Variants in CNTN4 observed in about 807,000 individuals in gnomAD.
The protein encoded by CNTN4 is contactin 4, also known as contactin-4.
CNTN4 carries 77 observed loss-of-function variants against 122.5 expected under a neutral mutation model. That is an observed-to-expected ratio of 0.63 (90% CI 0.52 to 0.76). CNTN4 has a LOEUF of 0.76. Among genes scored for constraint, CNTN4 ranks in the 30% least tolerant of loss-of-function variants. CNTN4 has a pLI of 0.00. For missense variants in CNTN4, 1,256 were observed against 1,259.1 expected (o/e 1.00, Z 0.04); for synonymous variants, 512 against 447.0 (o/e 1.15, Z -1.83).
At chr3:2,929,021 T>C (rs2094497031) in intron 13 of CNTN4, among the ~76,000 whole-genome samples, 1 of 152,230 alleles carries the variant, frequency 6.6e-6, no homozygotes, top group Non-Finnish European at 1.5e-5. Context: ...ACTAGCCTTA[T>C]CTATGTTAAT....
rs575192976 is a variant in CNTN4 at position 2,300,560 on chromosome 3, C to CTTT, written c.-144-38590_-144-38588dup. ...ATGAGTTTATTTACACAGTGACCGT[C>CTTT]TTTTTTTTTTTTTTTTTTTTTTTTT... On this transcript the variant is annotated intron_variant, in intron 2 of 24. Transcript: ENST00000418658. 2.0e-3 allele frequency among the ~76,000 whole-genome samples: 126 copies of CTTT among 62,020 alleles called. 14 individuals are homozygous for CTTT. Among genetic ancestry groups the CTTT allele is most frequent in the East Asian group, 2.8e-3 (6 of 2,140 alleles). 40.7% of individuals were successfully genotyped at this position (62,020 alleles called of 152,430 possible).
At chr3:2,985,719 G>A (rs2125256253) in intron 13 of CNTN4, 1 of 152,218 alleles carries the variant, frequency 6.6e-6, no homozygotes, top group East Asian at 1.9e-4. Context: ...GTGCCCTTGT[G>A]CCTTGTCTGC....
At chr3:2,715,281 A>G (rs371708307) in intron 4 of CNTN4, among the ~76,000 whole-genome samples, 28 of 152,378 alleles carry the variant, frequency 1.8e-4, no homozygotes, top group African/African-American at 6.5e-4. Context: ...TAAAGGGATA[A>G]ATTGTATATG....
At position 2,902,967 on chromosome 3, in the gene CNTN4, A is replaced by G; in HGVS notation, c.1169A>G (p.His390Arg). 2 of 1,613,904 alleles carry G rather than the reference A, an allele frequency of 1.2e-6. No individual in the cohort carries two copies. Among genetic ancestry groups the G allele is most frequent in the Non-Finnish European group, 1.7e-6 (2 of 1,179,882 alleles). The change falls in exon 12 of 25, where the codon CAT becomes CGT. Residue 390 changes from histidine to arginine, a missense_variant. By Grantham distance (29) the His-to-Arg change is conservative. Transcript: ENST00000418658. Reference protein sequence around the residue: ...GMYQCLAENKHGVIFSNAELS... With the variant: ...GMYQCLAENKRGVIFSNAELS... ...TATCAGTGTTTGGCAGAGAATAAAC[A>G]TGGAGTTATCTTTTCCAACGCAGAG...
intron 3 of CNTN4, among the ~76,000 whole-genome samples, chr3:2,556,147 A>G (rs571928629): frequency 1.3e-5 from 2 of 152,290 alleles, no homozygotes; most frequent in South Asian, 4.1e-4. Flanking sequence ...ACTTGAAAGG[A>G]GGCTTTATTA....
rs182753545 is a variant in CNTN4, at chr3:2,906,040, A to G, written c.1207+3035A>G. ...GGAGAAAATCCTGTCATTTGTGACAAAAGGGATGAACCTGGAGGACATCGT... is the reference window on the plus strand; with the variant it reads ...GGAGAAAATCCTGTCATTTGTGACAGAAGGGATGAACCTGGAGGACATCGT... On this transcript the variant is annotated intron_variant, in intron 12 of 24. Coordinates refer to ENST00000418658, the MANE Select transcript of CNTN4 (RefSeq NM_175607.3). Among the ~76,000 whole-genome samples, 164 of 152,360 alleles carry G rather than the reference A, an allele frequency of 1.1e-3. No individual in the cohort carries two copies. The Middle Eastern group carries it at 0.034, about 32-fold the overall frequency.
intron 6 of CNTN4, 26 bp from the exon 7 acceptor site, chr3:2,819,459 TG>T: frequency 1.3e-6 from 2 of 1,550,884 alleles, no homozygotes; most frequent in Non-Finnish European, 1.8e-6. Context: ...AAAGTTTAAA[TG>T]CTTTTTCCCA....
chr3:2,846,343 C>T (rs1334343577), intron 7 of CNTN4, among the ~76,000 whole-genome samples: 1 of 152,058 alleles, frequency 6.6e-6, no homozygotes, highest in African/African-American at 2.4e-5. Context: ...AGGGGCTTTC[C>T]CCTTCCTTCG....
chr3:2,447,476 A>G (rs1041635298), intron 3 of CNTN4, among the ~76,000 whole-genome samples: 1 of 152,160 alleles, frequency 6.6e-6, no homozygotes, highest in African/African-American at 2.4e-5. Context: ...TAAATATGCT[A>G]TGTCTATATT....
intron 12 of CNTN4, among the ~76,000 whole-genome samples, chr3:2,904,949 A>G (rs575103014): frequency 3.9e-5 from 6 of 152,204 alleles, no homozygotes; most frequent in African/African-American, 1.4e-4. Flanking sequence ...GAAACAAATG[A>G]CTCCAACAAA....
intron 13 of CNTN4, among the ~76,000 whole-genome samples, chr3:2,953,826 A>G (rs754673552): frequency 1.4e-4 from 21 of 152,152 alleles, no homozygotes; most frequent in Non-Finnish European, 2.1e-4. Flanking sequence ...AATCACCTAG[A>G]GGGATTCATT....
chr3:2,130,851 T>G (rs1422305019), intron 2 of CNTN4, among the ~76,000 whole-genome samples: 1 of 152,228 alleles, frequency 6.6e-6, no homozygotes, highest in Non-Finnish European at 1.5e-5. Context: ...TAGTGCTGTG[T>G]GCTATGTGAC....
At chr3:2,988,214 G>A (rs1014338067) in intron 13 of CNTN4, 131 bp from the exon 14 acceptor site, 3 of 815,970 alleles carry the variant, frequency 3.7e-6, no homozygotes, top group East Asian at 2.5e-5. Context: ...ATAAAGATGA[G>A]GCTGTCATCT....
At chr3:2,443,423 A>C (rs2048509251) in intron 3 of CNTN4, among the ~76,000 whole-genome samples, 1 of 152,074 alleles carries the variant, frequency 6.6e-6, no homozygotes, top group Non-Finnish European at 1.5e-5. Flanking sequence ...ACATGTGCCC[A>C]TCCCTCCTTT....
chr3:2,165,532 G>A (rs1414542922), intron 2 of CNTN4, among the ~76,000 whole-genome samples: 1 of 152,008 alleles, frequency 6.6e-6, no homozygotes, highest in Non-Finnish European at 1.5e-5. Flanking sequence ...GTTGTGGTGA[G>A]AATACTTAAG....
chr3:2,556,711 A>G (rs1039047255), intron 3 of CNTN4, among the ~76,000 whole-genome samples: 14 of 152,054 alleles, frequency 9.2e-5, no homozygotes, highest in Admixed American at 2.6e-4. Context: ...TATAATACAT[A>G]TATTATTTGG....
intron 6 of CNTN4, among the ~76,000 whole-genome samples, chr3:2,766,791 C>T (rs534617418): frequency 1.6e-4 from 24 of 152,130 alleles, no homozygotes; most frequent in Middle Eastern, 3.4e-3. Flanking sequence ...CAGAGCACAA[C>T]GAAATAACAG....
At chr3:2,725,440 T>G (rs1324433552) in intron 4 of CNTN4, among the ~76,000 whole-genome samples, 4 of 152,164 alleles carry the variant, frequency 2.6e-5, no homozygotes, top group African/African-American at 9.7e-5. Flanking sequence ...AATACACAAA[T>G]GCATATTGAA....
Position 2,466,520 on chromosome 3 carries a change from A to G in CNTN4, c.-88-104896A>G, listed in dbSNP as rs577712141. ...GGAGGGCAGTAATTTTGTAAAGTAC[A>G]TTTTTAAAAGGACTGGAATGATTCA... is the stretch of plus-strand genomic sequence containing the variant. On this transcript the variant is annotated intron_variant, in intron 3 of 24. Transcript: ENST00000418658. 8.5e-5 allele frequency among the ~76,000 whole-genome samples: 13 copies of G among 152,276 alleles called. No individual in the cohort carries two copies. The East Asian group carries it at 1.9e-3, about 23-fold the overall frequency.
Sources: gnomAD v4.1 joint callset for allele counts (sites outside exome capture counted in the v4.1 genomes callset) on GRCh38, gnomAD v4.1.1 for gene constraint, MANE v1.5 for transcripts, NCBI Gene and HGNC (gene_info 2026-07-23, HGNC 2026-07-21) for gene names.